The following PPL variants were observed in gnomAD, a reference collection of about 807,000 sequenced individuals.
The protein encoded by PPL is periplakin.
In PPL, 198 loss-of-function variants were observed where a neutral mutation model predicts 194.4. The ratio of observed to expected loss-of-function variants is 1.02; its 90% CI spans 0.91 to 1.15. PPL has a LOEUF of 1.15. PPL is among the 50% of genes most tolerant of loss of function. The probability of loss-of-function intolerance (pLI) is 0.00; values close to 1 mark genes in which losing one functional copy is unlikely to be tolerated. For missense variants in PPL, 2,885 were observed against 2,294.8 expected, an observed-to-expected ratio of 1.26 and a Z score of -5.25; for synonymous variants, 1,220 against 972.4, an observed-to-expected ratio of 1.25 and a Z score of -4.74.
At chr16:4,886,957 G>A (rs561206641) in intron 21 of PPL, among the ~76,000 whole-genome samples, 178 bp downstream of exon 21, 1 of 152,234 alleles carries the variant, frequency 6.6e-6, no homozygotes, top group Non-Finnish European at 1.5e-5. Context: ...TTACTGAGTT[G>A]AATAAGTTCT....
chr16:4,904,120 G>C, intron 2 of PPL, 80 bp from the exon 3 acceptor site: 3 of 1,419,542 alleles, frequency 2.1e-6, no homozygotes, highest in Admixed American at 2.0e-5. Context: ...GGGAGGAAAG[G>C]GGTCAGCAGG....
intron 1 of PPL, 57 bp downstream of exon 1, chr16:4,936,927 C>G: frequency 6.5e-7 from 1 of 1,526,974 alleles, no homozygotes. Flanking sequence ...TCTTCCAGGT[C>G]CTGTGCGCCC....
chr16:4,934,833 C>T (rs1436400840), intron 1 of PPL, among the ~76,000 whole-genome samples: 1 of 152,104 alleles, frequency 6.6e-6, no homozygotes, highest in East Asian at 1.9e-4. Context: ...TACAGGGCTA[C>T]CCCCACCCCA....
chr16:4,889,029 C>CT lies in PPL; in HGVS notation c.2345dup (p.Glu783GlyfsTer20). 6.2e-7 allele frequency: 1 copy of CT among 1,613,762 alleles called. No individual in the cohort carries two copies. The highest frequency in any genetic ancestry group is 8.5e-7 in the Non-Finnish European group (1 of 1,179,894). On this transcript the variant is annotated frameshift_variant, in exon 19 of 22. Transcript: ENST00000345988. LOFTEE classifies it high-confidence loss of function. ...AATTGGCACAGATCTTCTGTACTTC[C>CT]TGCTCCCTACTTGCTATCTCATCTA...
In PPL at chr16:4,884,296, C is replaced by T. The variant is rs189264388; in HGVS notation, c.4359G>A (p.Pro1453=). Residue 1453 remains proline (P), a synonymous_variant, in exon 22 of 22, where the codon CCG becomes CCA. Transcript: ENST00000345988. This position sits in a 1 kb window ranked among gnomAD's most constrained non-coding sequence, Gnocchi z 5.7. ...HTQKVVLQQD[P]QQAREHALLR... ...GCAGGGCATGCTCTCGCGCCTGCTG[C>T]GGGTCCTGCTGCAGCACCACCTTCT... 23 of 1,611,174 alleles carry T rather than the reference C, an allele frequency of 1.4e-5. No individual in the cohort carries two copies. The East Asian group carries it at 3.3e-4, about 23-fold the overall frequency.
chr16:4,924,144 A>G (rs1280244639), intron 1 of PPL, among the ~76,000 whole-genome samples: 1 of 152,214 alleles, frequency 6.6e-6, no homozygotes, highest in African/African-American at 2.4e-5. Flanking sequence ...ACTGAACCTG[A>G]GCCACACAGA....
intron 2 of PPL, among the ~76,000 whole-genome samples, chr16:4,907,306 TCTCACACACACA>T (rs1285722703): frequency 1.1e-5 from 1 of 88,778 alleles, no homozygotes; most frequent in African/African-American, 4.3e-5. Flanking sequence ...ATATATCTAA[TCTCACACACACA>T]CACACACACA....
intron 2 of PPL, among the ~76,000 whole-genome samples, chr16:4,907,308 TCACACACACACACACACACA>T (rs56210938): frequency 1.4e-5 from 2 of 145,636 alleles, no homozygotes; most frequent in African/African-American, 5.2e-5. Flanking sequence ...ATATCTAATC[TCACACACACACACACACACA>T]CACACACACA....
chr16:4,918,894 C>T (rs570757708), intron 1 of PPL, among the ~76,000 whole-genome samples: 26 of 152,116 alleles, frequency 1.7e-4, no homozygotes, highest in African/African-American at 5.5e-4. Context: ...GCTGGGAAAC[C>T]GGCTAGGCTG....
intron 2 of PPL, among the ~76,000 whole-genome samples, chr16:4,906,899 G>A (rs759153573): frequency 1.3e-5 from 2 of 152,192 alleles, no homozygotes; most frequent in Non-Finnish European, 2.9e-5. Flanking sequence ...GTCTGCGAAT[G>A]TAGACACTTC....
chr16:4,899,115 G>T lies in PPL; in HGVS notation c.774C>A (p.Phe258Leu), dbSNP rs761272518. The change falls in exon 8 of 22, where the codon TTC (phenylalanine) becomes TTA (leucine). Residue 258 changes from phenylalanine to leucine, a missense_variant. By Grantham distance (22) the Phe-to-Leu change is conservative (BLOSUM62 0). Transcript: ENST00000345988. The part of the protein sequence containing the change: ...YPSRRRQYEN[F>L]INRNLEAKEE... ...CTTTGGCCTCCAGGTTCCGGTTGAT[G>T]AAATTCTGCAGTGGGGGGCAGTGGA... 75 of 1,613,768 alleles carry T rather than the reference G, an allele frequency of 4.6e-5. No homozygotes were observed. The highest frequency in any genetic ancestry group is 6.2e-5 in the Non-Finnish European group (73 of 1,179,956).
At chr16:4,920,051 C>T (rs892071033) in intron 1 of PPL, among the ~76,000 whole-genome samples, 10 of 151,740 alleles carry the variant, frequency 6.6e-5, no homozygotes, top group Admixed American at 2.0e-4. Context: ...TTTGGGAGGC[C>T]GAGGCAGGTG....
In PPL at chr16:4,884,316, C is replaced by T. The variant is rs1248528403; in HGVS notation, c.4339G>A (p.Val1447Met). The part of the protein sequence containing the change: ...AREKVTHTQK[V>M]VLQQDPQQAR... Reference sequence around the variant, plus strand: ...TGCTGCGGGTCCTGCTGCAGCACCACCTTCTGCGTATGGGTTACCTTCTCA... The same window carrying T: ...TGCTGCGGGTCCTGCTGCAGCACCATCTTCTGCGTATGGGTTACCTTCTCA... Residue 1447 changes from valine to methionine, a missense_variant, in exon 22 of 22, where the codon GTG (valine) becomes ATG (methionine). Coordinates refer to ENST00000345988, the MANE Select transcript of PPL (RefSeq NM_002705.5). The surrounding 1 kb of genome is among the most constrained non-coding windows in gnomAD (Gnocchi z 5.7). The T allele has an allele frequency of 1.9e-6, 3 of 1,612,762 alleles. No homozygotes were observed. Among genetic ancestry groups the T allele is most frequent in the Non-Finnish European group, 2.5e-6 (3 of 1,179,698 alleles).
At chr16:4,913,872 T>C (rs2088866337) in intron 1 of PPL, among the ~76,000 whole-genome samples, 1 of 152,214 alleles carries the variant, frequency 6.6e-6, no homozygotes, top group African/African-American at 2.4e-5. Flanking sequence ...AAGCACCTGC[T>C]GTGTGCGGGC....
Position 4,902,283 on chromosome 16 carries a change from A to G in PPL, c.438+123T>C, listed in dbSNP as rs2088589579. On this transcript the variant is annotated intron_variant, in intron 4 of 21. Transcript: ENST00000345988. This position sits in a 1 kb window ranked among gnomAD's most constrained non-coding sequence, Gnocchi z 4.0. Reference sequence around the variant, plus strand: ...CTCATGGGCACACTGGAAAACCATCAGGACCACGACTGTCTCCCTGGTAAG... The same window carrying G: ...CTCATGGGCACACTGGAAAACCATCGGGACCACGACTGTCTCCCTGGTAAG... 2 of 1,448,534 alleles carry G rather than the reference A, an allele frequency of 1.4e-6. No individual in the cohort carries two copies. Among genetic ancestry groups the G allele is most frequent in the African/African-American group, 1.4e-5 (1 of 70,788 alleles). 89.7% of individuals were successfully genotyped at this position (1,448,534 alleles called of 1,614,324 possible).
intron 1 of PPL, among the ~76,000 whole-genome samples, chr16:4,912,880 A>C (rs543384362): frequency 1.4e-4 from 21 of 152,104 alleles, no homozygotes; most frequent in Non-Finnish European, 2.5e-4. Flanking sequence ...AAGGCGGGCG[A>C]ATCACCTGAG....
In PPL at chr16:4,893,386, G is replaced by C. The variant is rs1364497101; in HGVS notation, c.1493-16C>G. 6.2e-7 allele frequency: 1 copy of C among 1,603,546 alleles called. No individual in the cohort carries two copies. Among genetic ancestry groups the C allele is most frequent in the Admixed American group, 1.7e-5 (1 of 59,886 alleles). On this transcript the variant is annotated splice_polypyrimidine_tract_variant and intron_variant, in intron 13 of 21. Transcript: ENST00000345988. ...TCAGAGGCATCTGTGGAGGGAGGGA[G>C]GACACAGGCAGGTGTGACAACGGGC... is the stretch of plus-strand genomic sequence containing the variant.
chr16:4,888,368 G>A, intron 19 of PPL, 150 bp from the exon 20 acceptor site: 1 of 602,712 alleles, frequency 1.7e-6, no homozygotes, highest in Admixed American at 2.8e-5. Flanking sequence ...GCTGCACCCT[G>A]CAGTGATTTC....
Position 4,888,222 on chromosome 16 carries a change from C to T in PPL, c.2398-4G>A. 1 of 1,575,758 alleles carries T rather than the reference C, an allele frequency of 6.3e-7. No homozygotes were observed. Among genetic ancestry groups the T allele is most frequent in the Non-Finnish European group, 8.7e-7 (1 of 1,145,130 alleles). ...TTTCTGCTTCTAACTCATAGTCCTG[C>T]ATGAGGGAGAGACATGGCAGAGGGG... On this transcript the variant is annotated splice_region_variant and splice_polypyrimidine_tract_variant and intron_variant, in intron 19 of 21. Coordinates refer to ENST00000345988, the MANE Select transcript of PPL (RefSeq NM_002705.5).
Sources: allele counts gnomAD v4.1 joint callset (sites outside exome capture counted in the v4.1 genomes callset), GRCh38; gene constraint gnomAD v4.1.1; non-coding constraint Gnocchi (gnomAD v3.1); transcripts MANE v1.5; gene names NCBI Gene and HGNC (gene_info 2026-07-23, HGNC 2026-07-21).